Variants in RYR3 observed in about 807,000 individuals in gnomAD.
RYR3 encodes brain ryanodine receptor-calcium release channel.
In RYR3, 207 loss-of-function variants were observed where a neutral mutation model predicts 584.3. That is an observed-to-expected ratio of 0.35 (90% confidence interval 0.32 to 0.40). The LOEUF is 0.40. Among genes scored for constraint, RYR3 ranks in the 10% least tolerant of loss-of-function variants. The pLI, the probability that RYR3 is intolerant of heterozygous loss-of-function variation, is 1.00. For missense variants in RYR3, 5,616 were observed against 6,089.2 expected, an observed-to-expected ratio of 0.92 and a Z score of 2.59; for synonymous variants, 2,416 against 2,248.5, an observed-to-expected ratio of 1.07 and a Z score of -2.11.
At chr15:33,622,824 C>G (rs2060794255) in intron 19 of RYR3, among the ~76,000 whole-genome samples, 1 of 152,166 alleles carries the variant, frequency 6.6e-6, no homozygotes, top group African/African-American at 2.4e-5. Flanking sequence ...TGTGAAAGCT[C>G]TATTTCTGAT....
Position 33,857,667 on chromosome 15 carries a change from T to C in RYR3, c.14008-113T>C, listed in dbSNP as rs930483218. 2.2e-6 allele frequency: 3 copies of C among 1,359,342 alleles called. 1 individual carries two copies. Among genetic ancestry groups the C allele is most frequent in the East Asian group, 2.3e-5 (1 of 43,336 alleles). The allele number at this position is 1,359,342 out of a possible 1,614,324, so 84.2% of individuals were successfully genotyped here. On this transcript the variant is annotated intron_variant, in intron 98 of 103. Transcript: ENST00000634891. ...AGCCGCCCTCCACCCCTTCCCCATTTCCTCTCCTTGCCCGTCCTCACTCTT... is the reference window on the plus strand; with the variant it reads ...AGCCGCCCTCCACCCCTTCCCCATTCCCTCTCCTTGCCCGTCCTCACTCTT...
chr15:33,861,978 A>G (rs1429404207), intron 102 of RYR3, among the ~76,000 whole-genome samples: 3 of 152,146 alleles, frequency 2.0e-5, no homozygotes, highest in Non-Finnish European at 4.4e-5. Context: ...TAGGCAACTA[A>G]TAAGTGTTTC....
intron 93 of RYR3, among the ~76,000 whole-genome samples, chr15:33,846,131 C>T (rs2078710042): frequency 6.6e-6 from 1 of 152,226 alleles, no homozygotes; most frequent in Admixed American, 6.5e-5. Context: ...TCCTTCTCCA[C>T]GTGGCCTTTC....
In RYR3 at chr15:33,721,167, C is replaced by T. The variant is rs147072606; in HGVS notation, c.6620-1548C>T. ...TTGTTCTGTGGGAAGCCAGCTGCCA[C>T]ATCATGAGAACACTCAAGCAGCCCT... On this transcript the variant is annotated intron_variant, in intron 43 of 103. Transcript: ENST00000634891. 6.0e-3 allele frequency among the ~76,000 whole-genome samples: 918 copies of T among 152,332 alleles called. 6 individuals carry two copies. The highest frequency in any genetic ancestry group is 0.014 in the Middle Eastern group (4 of 292).
intron 67 of RYR3, among the ~76,000 whole-genome samples, chr15:33,796,913 G>A (rs1214607783): frequency 2.0e-5 from 3 of 152,146 alleles, no homozygotes; most frequent in Admixed American, 2.0e-4. Flanking sequence ...ACACACAGTG[G>A]AATACTCTTT....
intron 1 of RYR3, among the ~76,000 whole-genome samples, chr15:33,363,122 C>G (rs964729188): frequency 6.6e-6 from 1 of 152,182 alleles, no homozygotes; most frequent in African/African-American, 2.4e-5. Flanking sequence ...ATGAACACTG[C>G]AAGGGTGCCA....
chr15:33,776,792 A>G (rs1254821396), intron 64 of RYR3, among the ~76,000 whole-genome samples: 1 of 152,220 alleles, frequency 6.6e-6, no homozygotes, highest in Non-Finnish European at 1.5e-5. Context: ...CTTTTCCTAT[A>G]TCCCTAACAA....
At chr15:33,744,325 A>T (rs922272965) in intron 52 of RYR3, among the ~76,000 whole-genome samples, 4 of 152,130 alleles carry the variant, frequency 2.6e-5, no homozygotes, top group African/African-American at 9.7e-5. Flanking sequence ...TCTATTTATC[A>T]ATTTTACATT....
Position 33,311,220 on chromosome 15 carries a change from C to A in RYR3, c.51+124C>A. ...CCGGTGCCGGGCGCTTTCTCCGCAC[C>A]CGCGGGCTGCAGAGGCGGACCGGCC... On this transcript the variant is annotated intron_variant, in intron 1 of 103. Coordinates refer to ENST00000634891, the MANE Select transcript of RYR3 (RefSeq NM_001036.6). This position sits in a 1 kb window ranked among gnomAD's most constrained non-coding sequence, Gnocchi z 4.4. 1.2e-5 allele frequency: 8 copies of A among 685,888 alleles called. No homozygotes were observed. Among genetic ancestry groups the A allele is most frequent in the Non-Finnish European group, 1.7e-5 (8 of 466,346 alleles). 42.5% of individuals were successfully genotyped at this position (685,888 alleles called of 1,614,324 possible).
At chr15:33,542,352 G>A (rs936782158) in intron 7 of RYR3, among the ~76,000 whole-genome samples, 1 of 152,106 alleles carries the variant, frequency 6.6e-6, no homozygotes, top group Admixed American at 6.6e-5. Flanking sequence ...ATAGGGCATG[G>A]CCTCTCCATC....
At chr15:33,684,757 C>T (rs2064872302) in intron 38 of RYR3, among the ~76,000 whole-genome samples, 1 of 152,208 alleles carries the variant, frequency 6.6e-6, no homozygotes, top group African/African-American at 2.4e-5. Flanking sequence ...GATCTCTCAG[C>T]AGAAACCCTG....
At chr15:33,725,705 A>G (rs951875996) in intron 45 of RYR3, among the ~76,000 whole-genome samples, 2 of 151,376 alleles carry the variant, frequency 1.3e-5, no homozygotes, top group Middle Eastern at 3.2e-3. Flanking sequence ...TACGCCTGTG[A>G]TCCCAGCACT....
intron 16 of RYR3, among the ~76,000 whole-genome samples, chr15:33,591,505 CA>C (rs2059128542): frequency 1.3e-5 from 2 of 152,322 alleles, no homozygotes; most frequent in South Asian, 4.1e-4. Context: ...ACTCCTGTCT[CA>C]CCTTGAACTA....
At position 33,789,986 on chromosome 15, in the gene RYR3, CTTTTTTTTT is replaced by C. The variant is rs757370991; in HGVS notation, c.9830+1543_9830+1551del. Among the ~76,000 whole-genome samples, 34 of 53,256 alleles carry C rather than the reference CTTTTTTTTT, an allele frequency of 6.4e-4. 1 individual carries two copies. Among genetic ancestry groups the C allele is most frequent in the African/African-American group, 3.3e-3 (31 of 9,428 alleles). 34.9% of individuals were successfully genotyped at this position (53,256 alleles called of 152,430 possible). On this transcript the variant is annotated intron_variant, in intron 67 of 103. Transcript: ENST00000634891. The stretch of plus-strand genomic sequence containing the variant: ...GGCGTGAGCCACCACGCCTGGCCTT[CTTTTTTTTT>C]TTTTTTTTTTTTTTGAGACAGAGTC...
chr15:33,753,754 T>C (rs187509139), intron 57 of RYR3, among the ~76,000 whole-genome samples: 186 of 152,314 alleles, frequency 1.2e-3, no homozygotes, highest in Admixed American at 0.011. Context: ...CAGCAGGAGA[T>C]AGCCTCCGGG....
chr15:33,356,397 A>G (rs749780179), intron 1 of RYR3, among the ~76,000 whole-genome samples: 3 of 152,174 alleles, frequency 2.0e-5, no homozygotes, highest in Non-Finnish European at 4.4e-5. Flanking sequence ...AGTGAGAAAA[A>G]TAAGAGTAGG....
chr15:33,406,940 A>G (rs34033525), intron 1 of RYR3, among the ~76,000 whole-genome samples: 12,794 of 152,270 alleles, frequency 0.084, 623 homozygotes, highest in African/African-American at 0.11. Context: ...CAATTTATAA[A>G]CAATAGAAAT....
At chr15:33,568,825 T>C (rs1226668503) in intron 12 of RYR3, among the ~76,000 whole-genome samples, 1 of 152,232 alleles carries the variant, frequency 6.6e-6, no homozygotes, top group African/African-American at 2.4e-5. Context: ...AAATATCTCC[T>C]ATGCTCATTG....
At chr15:33,519,234 C>T (rs2053781868) in intron 3 of RYR3, among the ~76,000 whole-genome samples, 1 of 152,144 alleles carries the variant, frequency 6.6e-6, no homozygotes, top group South Asian at 2.1e-4. Flanking sequence ...TTCTGAGAAG[C>T]TTATCTACAG....
Sources: allele counts gnomAD v4.1 joint callset (sites outside exome capture counted in the v4.1 genomes callset), GRCh38; gene constraint gnomAD v4.1.1; non-coding constraint Gnocchi (gnomAD v3.1); transcripts MANE v1.5; gene names NCBI Gene and HGNC (gene_info 2026-07-23, HGNC 2026-07-21).